The following NPHP3 variants were observed in gnomAD, a reference collection of about 807,000 sequenced individuals.
NPHP3 encodes nephrocystin-3.
In NPHP3, 123 loss-of-function variants were observed where a neutral mutation model predicts 171.9. That is an observed-to-expected ratio of 0.72 (90% CI 0.62 to 0.83). The LOEUF (loss-of-function observed/expected upper bound fraction) is 0.83. Ranked by LOEUF, NPHP3 falls within the 40% of genes least tolerant of loss-of-function variation. The probability of loss-of-function intolerance (pLI) is 0.00; values close to 1 mark genes in which losing one functional copy is unlikely to be tolerated. For missense variants in NPHP3, 1,506 were observed against 1,591.9 expected (o/e 0.95, Z 0.92); for synonymous variants, 558 against 579.2 (o/e 0.96, Z 0.52).
intron 19 of NPHP3, among the ~76,000 whole-genome samples, 178 bp from the exon 20 acceptor site, chr3:132,689,441 C>T (rs1420741217): frequency 6.6e-6 from 1 of 152,192 alleles, no homozygotes; most frequent in Admixed American, 6.5e-5. Context: ...GCTATGTAAT[C>T]TTGAGCAGGT....
chr3:132,720,974 A>G (rs982045321), intron 1 of NPHP3, among the ~76,000 whole-genome samples: 3 of 151,714 alleles, frequency 2.0e-5, no homozygotes, highest in African/African-American at 4.8e-5. Context: ...CTGGAGTGCA[A>G]TGGTGCAATC....
At chr3:132,687,407 A>G (rs1939189207) in intron 21 of NPHP3, among the ~76,000 whole-genome samples, 181 bp from the exon 22 acceptor site, 1 of 152,228 alleles carries the variant, frequency 6.6e-6, no homozygotes, top group Admixed American at 6.5e-5. Flanking sequence ...ACAAAATATG[A>G]CAAAACACTA....
chr3:132,718,891 C>CTAAT (rs1342312596), intron 3 of NPHP3, 103 bp downstream of exon 3: 1 of 1,178,498 alleles, frequency 8.5e-7, no homozygotes, highest in Non-Finnish European at 1.3e-6. Context: ...AAGCAATAAC[C>CTAAT]TAATATAGAT....
At chr3:132,686,104 T>C in intron 23 of NPHP3, 156 bp downstream of exon 23, 1 of 693,400 alleles carries the variant, frequency 1.4e-6, no homozygotes, top group South Asian at 1.7e-5. Flanking sequence ...CCATGGTCTT[T>C]AGGTATGTGT....
intron 22 of NPHP3, 135 bp from the exon 23 acceptor site, chr3:132,686,522 C>G (rs1553771954): frequency 4.4e-6 from 4 of 914,228 alleles, no homozygotes; most frequent in Non-Finnish European, 6.8e-6. Flanking sequence ...AAGCATCACA[C>G]TAAATTAACT....
In NPHP3 at chr3:132,682,754, C is replaced by T; in HGVS notation, c.3761G>A (p.Gly1254Asp). 6.2e-7 allele frequency: 1 copy of T among 1,613,750 alleles called. No homozygotes were observed. The highest frequency in any genetic ancestry group is 8.5e-7 in the Non-Finnish European group (1 of 1,179,676). ...RALKIYEDSL[G>D]RMHPRVGETL... is the part of the protein sequence containing the mutation. ...TTCTCCAACTCGAGGATGCATCCGA[C>T]CCAGGCTATCTTCATAAATCTTTAA... The change falls in exon 26 of 27, where the codon GGT (glycine) becomes GAT (aspartate). Residue 1254 changes from glycine (G) to aspartate (D), a missense_variant. Coordinates refer to ENST00000337331, the MANE Select transcript of NPHP3 (RefSeq NM_153240.5).
At chr3:132,708,852 C>T (rs532813298) in intron 6 of NPHP3, among the ~76,000 whole-genome samples, 2 of 152,126 alleles carry the variant, frequency 1.3e-5, no homozygotes, top group Non-Finnish European at 2.9e-5. Context: ...GGCCTTTATT[C>T]CAGATAAAGG....
intron 4 of NPHP3, among the ~76,000 whole-genome samples, chr3:132,715,571 T>C (rs1940030034): frequency 6.6e-6 from 1 of 152,210 alleles, no homozygotes; most frequent in African/African-American, 2.4e-5. Context: ...TTGAAATATA[T>C]TGAGTTAAAA....
chr3:132,682,309 ATGT>A (rs2107960861), intron 26 of NPHP3: 1 of 586,682 alleles, frequency 1.7e-6, no homozygotes, highest in African/African-American at 1.9e-5. Flanking sequence ...CATTAAAACC[ATGT>A]TGTAATAGAG....
chr3:132,709,419 C>G (rs1192747307), intron 6 of NPHP3, among the ~76,000 whole-genome samples: 1 of 151,674 alleles, frequency 6.6e-6, no homozygotes, highest in African/African-American at 2.4e-5. Flanking sequence ...AGTAGCTAGG[C>G]CCACAGGCAC....
Position 132,696,788 on chromosome 3 carries a change from C to T in NPHP3, c.2114G>A (p.Arg705His), listed in dbSNP as rs139548649. ...EQEKKLERHCRSATTCNALYV... is the reference protein window; with the variant it reads ...EQEKKLERHCHSATTCNALYV... Reference sequence around the variant, plus strand: ...AAGGGCATTGCAGGTTGTAGCAGAACGACAGTGTCGTTCTAGCTTCTTCTC... The same window carrying T: ...AAGGGCATTGCAGGTTGTAGCAGAATGACAGTGTCGTTCTAGCTTCTTCTC... The change falls in exon 15 of 27, where the codon CGT becomes CAT. Residue 705 changes from arginine (R) to histidine (H), a missense_variant. Physicochemically the swap from Arg to His is conservative, Grantham distance 29. Transcript: ENST00000337331. 77 of 1,614,070 alleles carry T rather than the reference C, an allele frequency of 4.8e-5. No homozygotes were observed. The highest frequency in any genetic ancestry group is 1.3e-4 in the Admixed American group (8 of 60,034).
intron 21 of NPHP3, 63 bp downstream of exon 21, chr3:132,688,587 A>G: frequency 6.4e-7 from 1 of 1,558,178 alleles, no homozygotes; most frequent in Non-Finnish European, 8.8e-7. Context: ...CTTACCCTAT[A>G]AGTACACTAA....
chr3:132,690,738 A>G lies in NPHP3; in HGVS notation c.2571-88T>C. The G allele has an allele frequency of 2.4e-6, 3 of 1,276,128 alleles. No homozygotes were observed. In the South Asian group the frequency reaches 3.7e-5, roughly 16 times the overall value. The allele number at this position is 1,276,128 out of a possible 1,614,324, so 79.1% of individuals were successfully genotyped here. A position where few individuals can be genotyped will look rare whatever the true frequency, so the allele number is the denominator to read the frequency against. On this transcript the variant is annotated intron_variant, in intron 18 of 26. Coordinates refer to ENST00000337331, the MANE Select transcript of NPHP3 (RefSeq NM_153240.5). ...TCAGGCAAATGTCAAAGGAAGAAAA[A>G]TATTTAACATATATCTCTGATTCTT...
intron 17 of NPHP3, among the ~76,000 whole-genome samples, chr3:132,691,898 T>A (rs1939309313): frequency 1.3e-5 from 2 of 152,184 alleles, no homozygotes; most frequent in South Asian, 2.1e-4. Flanking sequence ...CATTAATCCA[T>A]GAAAAGGAGG....
intron 3 of NPHP3, chr3:132,718,018 T>G (rs1172056111): frequency 9.1e-6 from 4 of 440,278 alleles, no homozygotes; most frequent in Middle Eastern, 4.2e-4. Context: ...CCTCCCAAAG[T>G]GCTGGTATTA....
In NPHP3 at chr3:132,688,815, G is replaced by C; in HGVS notation, c.2960C>G (p.Ser987Cys). The change falls in exon 21 of 27, where the codon TCC becomes TGC. Residue 987 changes from serine (S) to cysteine (C), a missense_variant. By Grantham distance (112) the Ser-to-Cys change is moderately radical. Transcript: ENST00000337331. ...LDPDHPRVAQ[S>C]LHQLASVYVQ... Reference sequence around the variant, plus strand: ...GTATACACTTGCTAGTTGGTGGAGGGACTGGGCTACTCTTGGGTGATCGGG... The same window carrying C: ...GTATACACTTGCTAGTTGGTGGAGGCACTGGGCTACTCTTGGGTGATCGGG... 6.2e-7 allele frequency: 1 copy of C among 1,614,090 alleles called. No individual in the cohort carries two copies. The highest frequency in any genetic ancestry group is 1.1e-5 in the South Asian group (1 of 91,078).
rs1940070618 is a variant in NPHP3, at chr3:132,716,969, T to C, written c.671-60A>G. On this transcript the variant is annotated intron_variant, in intron 3 of 26. Coordinates refer to ENST00000337331, the MANE Select transcript of NPHP3 (RefSeq NM_153240.5). The stretch of plus-strand genomic sequence containing the variant: ...AACTTATTGAATGTTCAAAAACTCA[T>C]CACATATACCGAACAGGATTGCTGA... The C allele has an allele frequency of 6.6e-6, 10 of 1,508,800 alleles. No homozygotes were observed. The South Asian group carries it at 1.0e-4, about 15-fold the overall frequency. The allele number at this position is 1,508,800 out of a possible 1,614,324, so 93.5% of individuals were successfully genotyped here. A position where few individuals can be genotyped will look rare whatever the true frequency, so the allele number is the denominator to read the frequency against.
Position 132,699,871 on chromosome 3 carries a change from A to G in NPHP3, c.1887+47T>C, listed in dbSNP as rs1270548795. 3 of 1,592,290 alleles carry G rather than the reference A, an allele frequency of 1.9e-6. No individual in the cohort carries two copies. In the East Asian group the frequency reaches 6.7e-5, roughly 36 times the overall value. On this transcript the variant is annotated intron_variant, in intron 12 of 26. Coordinates refer to ENST00000337331, the MANE Select transcript of NPHP3 (RefSeq NM_153240.5). The stretch of plus-strand genomic sequence containing the variant: ...GCCTGCTCTAGCTATTACTGAATTT[A>G]CATCTCTTTCTGAGCATATCAATAG...
In NPHP3 at chr3:132,683,346, G is replaced by A. The variant is rs111412588; in HGVS notation, c.3696+53C>T. 460 of 1,516,700 alleles carry A rather than the reference G, an allele frequency of 3.0e-4. 4 individuals carry two copies. In the African/African-American group the frequency reaches 4.7e-3, roughly 15 times the overall value. The allele number at this position is 1,516,700 out of a possible 1,614,324, so 94.0% of individuals were successfully genotyped here. Reference sequence around the variant, plus strand: ...CCCTATCTAATTCATGTTTACCTATGTTTTATACCATAAAATCATTCACTG... The same window carrying A: ...CCCTATCTAATTCATGTTTACCTATATTTTATACCATAAAATCATTCACTG... On this transcript the variant is annotated intron_variant, in intron 25 of 26. Transcript: ENST00000337331.
Sources: gnomAD v4.1 joint callset for allele counts (sites outside exome capture counted in the v4.1 genomes callset) on GRCh38, gnomAD v4.1.1 for gene constraint, MANE v1.5 for transcripts, NCBI Gene and HGNC (gene_info 2026-07-23, HGNC 2026-07-21) for gene names.